DOCK1: variants seen among roughly 807,000 people sequenced by gnomAD.
The protein encoded by DOCK1 is dedicator of cytokinesis 1.
Under a neutral mutation model 262.7 loss-of-function variants are expected in DOCK1, and 138 were observed. The ratio of observed to expected loss-of-function variants is 0.53; its 90% confidence interval spans 0.46 to 0.61. The LOEUF is 0.61. Ranked by LOEUF, DOCK1 falls within the 20% of genes least tolerant of loss-of-function variation. The probability of loss-of-function intolerance (pLI) is 0.00; values close to 1 mark genes in which losing one functional copy is unlikely to be tolerated. For synonymous variants in DOCK1, 866 were observed against 867.4 expected (o/e 1.00, Z 0.03); for missense variants, 1,908 against 2,370.7 (o/e 0.80, Z 4.05).
chr10:127,069,857 G>A (rs2046107551), intron 23 of DOCK1, among the ~76,000 whole-genome samples: 1 of 152,194 alleles, frequency 6.6e-6, no homozygotes, highest in Admixed American at 6.5e-5. Context: ...AAGTTTGGAA[G>A]TTGCTCTAAC....
intron 7 of DOCK1, 71 bp downstream of exon 7, chr10:126,996,954 G>A: frequency 6.9e-7 from 1 of 1,455,206 alleles, no homozygotes; most frequent in Admixed American, 2.6e-5. Flanking sequence ...TAAAGTATCA[G>A]TCAAGCCCAA....
At chr10:127,258,898 G>A (rs557559745) in intron 29 of DOCK1, among the ~76,000 whole-genome samples, 187 of 152,292 alleles carry the variant, frequency 1.2e-3, no homozygotes, top group African/African-American at 4.1e-3. Flanking sequence ...AATGCCTATT[G>A]TCCTTCCCTT....
At chr10:127,093,803 A>G (rs1333553324) in intron 23 of DOCK1, among the ~76,000 whole-genome samples, 1 of 152,134 alleles carries the variant, frequency 6.6e-6, no homozygotes, top group East Asian at 1.9e-4. Context: ...TGCTATAACA[A>G]AATACCTGAG....
chr10:127,033,755 T>C (rs577083479), intron 18 of DOCK1, among the ~76,000 whole-genome samples: 2 of 152,268 alleles, frequency 1.3e-5, no homozygotes, highest in Non-Finnish European at 2.9e-5. Flanking sequence ...GTCAGGACAT[T>C]GTAGTGGAGC....
intron 1 of DOCK1, among the ~76,000 whole-genome samples, chr10:126,952,107 C>G (rs903477861): frequency 0.051 from 7,816 of 152,122 alleles, 287 homozygotes; most frequent in Middle Eastern, 0.15. Flanking sequence ...CTCGGCCTCC[C>G]AGAGGGGTGG....
intron 28 of DOCK1, 46 bp from the exon 29 acceptor site, chr10:127,257,289 C>G (rs372491941): frequency 6.8e-7 from 1 of 1,469,876 alleles, no homozygotes; most frequent in Non-Finnish European, 9.3e-7. Flanking sequence ...ATCATGTTTA[C>G]CTTTTTCTTT....
intron 35 of DOCK1, among the ~76,000 whole-genome samples, chr10:127,376,840 G>A (rs1359796714): frequency 6.6e-6 from 1 of 152,264 alleles, no homozygotes; most frequent in Admixed American, 6.5e-5. Context: ...TGAAACAGTG[G>A]AGAAATGGTG....
Position 127,451,682 on chromosome 10 carries a change from T to C in DOCK1, c.*255T>C. On this transcript the variant is annotated 3_prime_UTR_variant, in exon 52 of 52. Coordinates refer to ENST00000623213, the MANE Select transcript of DOCK1 (RefSeq NM_001290223.2). ...GTTATCAGAGTTGGGGGCCTCTGAG[T>C]GTGTCTGGCTCTGAGAGAGTCTGAG... 3.0e-6 allele frequency: 2 copies of C among 675,478 alleles called. No homozygotes were observed. Among genetic ancestry groups the C allele is most frequent in the East Asian group, 3.7e-5 (1 of 26,904 alleles). 41.8% of individuals were successfully genotyped at this position (675,478 alleles called of 1,614,324 possible). A position where few individuals can be genotyped will look rare whatever the true frequency, so the allele number is the denominator to read the frequency against.
At chr10:127,077,406 A>T (rs1025072513) in intron 23 of DOCK1, among the ~76,000 whole-genome samples, 7 of 152,146 alleles carry the variant, frequency 4.6e-5, no homozygotes, top group African/African-American at 1.4e-4. Context: ...AAATAAAAAT[A>T]AAAAAAGTTC....
intron 27 of DOCK1, among the ~76,000 whole-genome samples, chr10:127,183,180 T>C (rs2055903567): frequency 6.8e-6 from 1 of 146,574 alleles, no homozygotes; most frequent in Non-Finnish European, 1.5e-5. Flanking sequence ...ATGACTTATA[T>C]CAAAGGAGTC....
chr10:126,980,061 G>C (rs951500990), intron 3 of DOCK1, among the ~76,000 whole-genome samples: 1 of 152,138 alleles, frequency 6.6e-6, no homozygotes, highest in Non-Finnish European at 1.5e-5. Flanking sequence ...CCCCCATCTG[G>C]GTGGACACCT....
chr10:127,444,951 C>T (rs1024934987), intron 50 of DOCK1, among the ~76,000 whole-genome samples: 5 of 151,876 alleles, frequency 3.3e-5, no homozygotes, highest in Non-Finnish European at 5.9e-5. Context: ...GCCTCCTTCT[C>T]GGTGTCCTCT....
intron 35 of DOCK1, among the ~76,000 whole-genome samples, chr10:127,379,783 T>G (rs2065727712): frequency 6.6e-6 from 1 of 152,256 alleles, no homozygotes; most frequent in South Asian, 2.1e-4. Context: ...CATGTCTTCA[T>G]GTCTTTTTGG....
chr10:127,238,780 C>T (rs1590073052), intron 27 of DOCK1, among the ~76,000 whole-genome samples: 1 of 152,184 alleles, frequency 6.6e-6, no homozygotes, highest in South Asian at 2.1e-4. Context: ...TGGTCAGGGG[C>T]TGTTTTTATC....
At chr10:126,952,895 GTGA>G (rs1271569116) in intron 1 of DOCK1, among the ~76,000 whole-genome samples, 1 of 12,210 alleles carries the variant, frequency 8.2e-5, no homozygotes. Flanking sequence ...AGTATTGTAG[GTGA>G]TGGTGGTGGT....
intron 23 of DOCK1, among the ~76,000 whole-genome samples, chr10:127,072,400 T>C (rs965322350): frequency 6.6e-6 from 1 of 152,204 alleles, no homozygotes; most frequent in African/African-American, 2.4e-5. Context: ...CCATCCCCTA[T>C]GTGTATAGTT....
At chr10:127,049,968 CTTTT>C (rs71941085) in intron 21 of DOCK1, among the ~76,000 whole-genome samples, 1 of 100,068 alleles carries the variant, frequency 1.0e-5, no homozygotes, top group African/African-American at 4.0e-5. Flanking sequence ...AAACTGGCCT[CTTTT>C]TTTTTTTTTT....
intron 23 of DOCK1, among the ~76,000 whole-genome samples, chr10:127,101,701 G>T (rs1304944416): frequency 6.6e-6 from 1 of 152,208 alleles, no homozygotes; most frequent in African/African-American, 2.4e-5. Flanking sequence ...AGCCCAAGGG[G>T]AGCCAGCAGC....
intron 27 of DOCK1, among the ~76,000 whole-genome samples, chr10:127,174,323 G>A (rs1044897281): frequency 1.5e-4 from 23 of 152,138 alleles, no homozygotes; most frequent in Non-Finnish European, 2.9e-5. Context: ...AGAGGTCTCG[G>A]CAATCCAGGC....
Sources: allele counts gnomAD v4.1 joint callset (sites outside exome capture counted in the v4.1 genomes callset), GRCh38; gene constraint gnomAD v4.1.1; transcripts MANE v1.5; gene names NCBI Gene and HGNC (gene_info 2026-07-23, HGNC 2026-07-21).